The following NPY2R variants were observed in gnomAD, a reference collection of about 807,000 sequenced individuals.
The protein encoded by NPY2R is neuropeptide Y receptor Y2.
NPY2R carries 17 observed loss-of-function variants against 22.3 expected under a neutral mutation model. The ratio of observed to expected loss-of-function variants is 0.76; its 90% CI spans 0.52 to 1.14. NPY2R has a LOEUF of 1.14. NPY2R is among the 50% of genes most tolerant of loss of function. The pLI, the probability that NPY2R is intolerant of heterozygous loss-of-function variation, is 0.00. For synonymous variants in NPY2R, 209 were observed against 183.4 expected, an observed-to-expected ratio of 1.14 and a Z score of -1.13; for missense variants, 424 against 467.9, an observed-to-expected ratio of 0.91 and a Z score of 0.87.
the NPY2R span, among the ~76,000 whole-genome samples, chr4:155,186,833 G>T: frequency 3.9e-5 from 6 of 152,070 alleles, no homozygotes; most frequent in Admixed American, 3.9e-4. Flanking sequence ...TTCAAGTAAT[G>T]TGATTTATCT....
chr4:155,174,482 ATATTT>A, the NPY2R span, among the ~76,000 whole-genome samples: 5 of 104,514 alleles, frequency 4.8e-5, no homozygotes, highest in African/African-American at 2.3e-4. Flanking sequence ...ATATATATAT[ATATTT>A]TTTTTTTTAA....
At chr4:155,180,013 G>GT in the NPY2R span, among the ~76,000 whole-genome samples, 631 of 146,306 alleles carry the variant, frequency 4.3e-3, 6 homozygotes, top group South Asian at 0.02. Flanking sequence ...ATTTTATTTT[G>GT]TTTTTTTTTT....
the NPY2R span, among the ~76,000 whole-genome samples, chr4:155,177,756 T>C: frequency 6.6e-6 from 1 of 152,024 alleles, no homozygotes; most frequent in Non-Finnish European, 1.5e-5. Context: ...TACACACCCA[T>C]AGAGTTAGCA....
chr4:155,203,352 C>T, the NPY2R span, among the ~76,000 whole-genome samples: 1 of 152,064 alleles, frequency 6.6e-6, no homozygotes, highest in Non-Finnish European at 1.5e-5. Context: ...ATTTGATGAC[C>T]ATTTCTTGCC....
upstream of NPY2R, among the ~76,000 whole-genome samples, chr4:155,205,002 C>T (rs1234382235): frequency 2.6e-5 from 4 of 152,118 alleles, no homozygotes; most frequent in Non-Finnish European, 5.9e-5. Flanking sequence ...CATTTCACAT[C>T]CGCAAACACT....
chr4:155,203,177 A>C, the NPY2R span, among the ~76,000 whole-genome samples: 1 of 152,320 alleles, frequency 6.6e-6, no homozygotes, highest in East Asian at 1.9e-4. Context: ...TAAAAAGCCA[A>C]ATCCACAGAA....
At chr4:155,208,110 G>T (rs888842264), upstream of NPY2R, 1 of 152,316 alleles carries the variant, frequency 6.6e-6, no homozygotes, top group African/African-American at 2.4e-5. This position sits in a 1 kb window ranked among gnomAD's most constrained non-coding sequence, Gnocchi z 5.6. Context: ...CGGAGGATTT[G>T]TTCTCGGTGC....
chr4:155,202,727 G>C, the NPY2R span, among the ~76,000 whole-genome samples: 1 of 152,036 alleles, frequency 6.6e-6, no homozygotes, highest in African/African-American at 2.4e-5. Flanking sequence ...GCATGAGAAA[G>C]AGCTTTGATT....
chr4:155,204,138 C>T (rs191159037), upstream of NPY2R, among the ~76,000 whole-genome samples: 312 of 151,426 alleles, frequency 2.1e-3, no homozygotes, highest in Non-Finnish European at 3.5e-3. Flanking sequence ...TGGCTTAAGT[C>T]AGGTTGATAT....
At chr4:155,189,621 A>G in the NPY2R span, among the ~76,000 whole-genome samples, 1 of 152,018 alleles carries the variant, frequency 6.6e-6, no homozygotes, top group South Asian at 2.1e-4. Context: ...TATTGTATAC[A>G]TAGAGCAAAA....
At chr4:155,185,941 T>C in the NPY2R span, among the ~76,000 whole-genome samples, 1 of 152,096 alleles carries the variant, frequency 6.6e-6, no homozygotes, top group African/African-American at 2.4e-5. Context: ...TGATAAAGCA[T>C]ATACATCATG....
the NPY2R span, among the ~76,000 whole-genome samples, chr4:155,182,676 C>G: frequency 6.6e-6 from 1 of 152,026 alleles, no homozygotes; most frequent in Non-Finnish European, 1.5e-5. Flanking sequence ...AGATTTTGAC[C>G]AAGAATTATT....
At chr4:155,206,629 A>G (rs1729289018), upstream of NPY2R, 1 of 152,254 alleles carries the variant, frequency 6.6e-6, no homozygotes, top group African/African-American at 2.4e-5. Context: ...ATATGAATCT[A>G]CTAAGACAAA....
At chr4:155,191,101 C>A in the NPY2R span, among the ~76,000 whole-genome samples, 1 of 151,760 alleles carries the variant, frequency 6.6e-6, no homozygotes, top group South Asian at 2.1e-4. Flanking sequence ...TGATAAAGCA[C>A]ATTTGCGTTT....
the NPY2R span, among the ~76,000 whole-genome samples, chr4:155,179,075 A>G: frequency 7.4e-3 from 1,130 of 152,114 alleles, 48 homozygotes; most frequent in Admixed American, 0.066. Context: ...TATTTTTAGT[A>G]CTGTATTTTT....
chr4:155,200,446 G>T, the NPY2R span, among the ~76,000 whole-genome samples: 1 of 152,214 alleles, frequency 6.6e-6, no homozygotes, highest in African/African-American at 2.4e-5. Flanking sequence ...ACAGTGTGAC[G>T]ATTCCTCAAG....
chr4:155,189,722 C>A, the NPY2R span, among the ~76,000 whole-genome samples: 2 of 151,804 alleles, frequency 1.3e-5, no homozygotes, highest in African/African-American at 4.8e-5. Flanking sequence ...GCCATACATA[C>A]CATCTACAAC....
chr4:155,177,738 G>T, the NPY2R span, among the ~76,000 whole-genome samples: 1 of 151,916 alleles, frequency 6.6e-6, no homozygotes, highest in Non-Finnish European at 1.5e-5. Context: ...TCCCCAGCTT[G>T]TGCACCCTAC....
chr4:155,179,666 T>C, the NPY2R span, among the ~76,000 whole-genome samples: 1 of 152,324 alleles, frequency 6.6e-6, no homozygotes, highest in African/African-American at 2.4e-5. Flanking sequence ...TTGTCTTATG[T>C]TGGCTCATGC....
Sources: gnomAD v4.1 joint callset for allele counts (sites outside exome capture counted in the v4.1 genomes callset) on GRCh38, gnomAD v4.1.1 for gene constraint, Gnocchi (gnomAD v3.1) non-coding constraint, MANE v1.5 for transcripts, NCBI Gene and HGNC (gene_info 2026-07-23, HGNC 2026-07-21) for gene names.